The following DAGLB variants were observed in gnomAD, a reference collection of about 807,000 sequenced individuals.
DAGLB encodes the protein diacylglycerol lipase beta.
A neutral mutation model predicts 72.1 loss-of-function variants in DAGLB; 66 were observed. That is an observed-to-expected ratio of 0.92 (90% CI 0.75 to 1.12). The LOEUF (loss-of-function observed/expected upper bound fraction) is 1.12, where lower values mean the gene tolerates loss of function less well. DAGLB is among the 50% of genes most tolerant of loss of function. The pLI, the probability that DAGLB is intolerant of heterozygous loss-of-function variation, is 0.00. For missense variants in DAGLB, 1,065 were observed against 884.9 expected, an observed-to-expected ratio of 1.20 and a Z score of -2.58; for synonymous variants, 414 against 359.5, an observed-to-expected ratio of 1.15 and a Z score of -1.71.
intron 9 of DAGLB, among the ~76,000 whole-genome samples, chr7:6,418,829 T>C (rs1784008815): frequency 6.6e-6 from 1 of 152,096 alleles, no homozygotes; most frequent in Non-Finnish European, 1.5e-5. Flanking sequence ...CACGCCCGGC[T>C]AATTTTTTGT....
intron 2 of DAGLB, among the ~76,000 whole-genome samples, chr7:6,439,804 C>G (rs1466619378): frequency 6.6e-6 from 1 of 151,310 alleles, no homozygotes; most frequent in Non-Finnish European, 1.5e-5. Flanking sequence ...ATAATCCGAG[C>G]AATTTGGGAG....
At chr7:6,436,560 C>T (rs1583298747) in intron 2 of DAGLB, 27 bp from the exon 3 acceptor site, 3 of 1,613,482 alleles carry the variant, frequency 1.9e-6, no homozygotes, top group East Asian at 4.5e-5. Context: ...GTTCCGACTG[C>T]TCAGTTGCTT....
At chr7:6,415,705 T>C (rs1042473745) in intron 11 of DAGLB, among the ~76,000 whole-genome samples, 8 of 149,916 alleles carry the variant, frequency 5.3e-5, no homozygotes, top group East Asian at 2.0e-4. Context: ...ATTAGCCGGG[T>C]GTGGTGGCGG....
At chr7:6,423,911 G>C (rs1015807440) in intron 8 of DAGLB, among the ~76,000 whole-genome samples, 2 of 152,030 alleles carry the variant, frequency 1.3e-5, no homozygotes, top group African/African-American at 2.4e-5. Context: ...TGGCAGAGCT[G>C]ACGTGAACAG....
intron 13 of DAGLB, among the ~76,000 whole-genome samples, chr7:6,411,650 G>T (rs79625809): frequency 6.6e-6 from 1 of 152,094 alleles, no homozygotes; most frequent in African/African-American, 2.4e-5. Flanking sequence ...GAGGTAATTG[G>T]TAAGGAGAAA....
chr7:6,425,417 G>A (rs1231156575), intron 7 of DAGLB, among the ~76,000 whole-genome samples: 3 of 152,246 alleles, frequency 2.0e-5, no homozygotes, highest in African/African-American at 7.2e-5. Context: ...GACTACAGGC[G>A]CCTGCCACCA....
chr7:6,447,200 C>T (rs1424007260), intron 1 of DAGLB, among the ~76,000 whole-genome samples: 1 of 152,182 alleles, frequency 6.6e-6, no homozygotes, highest in Non-Finnish European at 1.5e-5. Flanking sequence ...GAACAGACTT[C>T]AGGTACCAAT....
At chr7:6,415,968 G>C (rs1478421777) in intron 11 of DAGLB, among the ~76,000 whole-genome samples, 1 of 151,714 alleles carries the variant, frequency 6.6e-6, no homozygotes, top group Non-Finnish European at 1.5e-5. Flanking sequence ...AGCATACTAC[G>C]GGCTCTGGGC....
At position 6,435,211 on chromosome 7, in the gene DAGLB, G is replaced by C. The variant is rs188086426; in HGVS notation, c.420-191C>G. ...TTCTAGAAAGTTCCTTATGAGGCTG[G>C]GCATGGTGGCTCACACCTGTAATCC... On this transcript the variant is annotated intron_variant, in intron 3 of 14. Coordinates refer to ENST00000297056, the MANE Select transcript of DAGLB (RefSeq NM_139179.4). Among the ~76,000 whole-genome samples the C allele has an allele frequency of 5.9e-5, 9 of 152,292 alleles. No homozygotes were observed. In the East Asian group the frequency reaches 1.7e-3, roughly 29 times the overall value.
intron 6 of DAGLB, among the ~76,000 whole-genome samples, chr7:6,427,837 A>G (rs1202608523): frequency 6.6e-6 from 1 of 152,238 alleles, no homozygotes; most frequent in Non-Finnish European, 1.5e-5. Flanking sequence ...ATGGGGTCAT[A>G]TGAAAAGAAC....
chr7:6,444,928 C>T (rs1386241140), intron 2 of DAGLB, among the ~76,000 whole-genome samples: 4 of 152,072 alleles, frequency 2.6e-5, no homozygotes, highest in Non-Finnish European at 4.4e-5. Flanking sequence ...CAAAACACAA[C>T]AAAACAAAAT....
chr7:6,432,791 A>G (rs774311136), intron 5 of DAGLB, 46 bp downstream of exon 5: 1 of 1,586,294 alleles, frequency 6.3e-7, no homozygotes, highest in Non-Finnish European at 8.5e-7. Context: ...AGACCCACCA[A>G]AAGGTGTAAG....
chr7:6,424,892 C>T (rs1006127237), intron 7 of DAGLB, 57 bp from the exon 8 acceptor site: 2 of 1,570,100 alleles, frequency 1.3e-6, no homozygotes, highest in African/African-American at 1.4e-5. Flanking sequence ...CACCAGCACG[C>T]AAAGTCGGAG....
At chr7:6,435,044 G>C (rs754387856) in intron 3 of DAGLB, 24 bp from the exon 4 acceptor site, 3 of 1,610,062 alleles carry the variant, frequency 1.9e-6, no homozygotes, top group East Asian at 4.5e-5. Flanking sequence ...AGAGGAAAAG[G>C]CTCGGTGACT....
chr7:6,427,187 G>C (rs1784340886), intron 6 of DAGLB, among the ~76,000 whole-genome samples: 1 of 152,172 alleles, frequency 6.6e-6, no homozygotes, highest in Admixed American at 6.5e-5. Flanking sequence ...ACTGTACTTA[G>C]CAGATGCCCT....
At position 6,446,010 on chromosome 7, in the gene DAGLB, T is replaced by C; in HGVS notation, c.190A>G (p.Ile64Val). The C allele has an allele frequency of 6.2e-7, 1 of 1,613,366 alleles. No individual in the cohort carries two copies. Among genetic ancestry groups the C allele is most frequent in the South Asian group, 1.1e-5 (1 of 91,050 alleles). ...LLSSYLIVLM[I>V]LLAVVICTVS... is the part of the protein sequence containing the mutation. Reference sequence around the variant, plus strand: ...GTACATATGACAACTGCCAGGAGAATCATGAGGACGATCAAGTAACTGCTG... The same window carrying C: ...GTACATATGACAACTGCCAGGAGAACCATGAGGACGATCAAGTAACTGCTG... The change falls in exon 2 of 15, where the codon ATT becomes GTT. Residue 64 changes from isoleucine (I) to valine (V), a missense_variant. Transcript: ENST00000297056.
chr7:6,421,363 A>G (rs1281001522), intron 9 of DAGLB, among the ~76,000 whole-genome samples: 1 of 135,892 alleles, frequency 7.4e-6, no homozygotes, highest in African/African-American at 2.7e-5. Flanking sequence ...CGGGAGGCGC[A>G]GGCAGCGCGG....
intron 8 of DAGLB, among the ~76,000 whole-genome samples, chr7:6,423,547 C>G (rs2115260705): frequency 6.6e-6 from 1 of 152,126 alleles, no homozygotes; most frequent in Non-Finnish European, 1.5e-5. Context: ...CCTCAGCCTC[C>G]TGAGTATCTG....
At chr7:6,418,815 C>T (rs1269625978) in intron 9 of DAGLB, among the ~76,000 whole-genome samples, 1 of 152,118 alleles carries the variant, frequency 6.6e-6, no homozygotes, top group Non-Finnish European at 1.5e-5. Flanking sequence ...CAGGCGCCCG[C>T]CACCACGCCC....
Sources: gnomAD v4.1 joint callset for allele counts (sites outside exome capture counted in the v4.1 genomes callset) on GRCh38, gnomAD v4.1.1 for gene constraint, MANE v1.5 for transcripts, NCBI Gene and HGNC (gene_info 2026-07-23, HGNC 2026-07-21) for gene names.